ASIC2: variants seen among roughly 807,000 people sequenced by gnomAD.
ASIC2 encodes acid sensing ion channel subunit 2.
Under a neutral mutation model 57.3 loss-of-function variants are expected in ASIC2, and 25 were observed. That is an observed-to-expected ratio of 0.44 (90% CI 0.32 to 0.61). The LOEUF (loss-of-function observed/expected upper bound fraction) is 0.61. ASIC2 is among the 20% of genes least tolerant of loss of function. The probability of loss-of-function intolerance (pLI) is 0.06; values close to 1 mark genes in which losing one functional copy is unlikely to be tolerated. For synonymous variants in ASIC2, 319 were observed against 307.5 expected (o/e 1.04, Z -0.39); for missense variants, 641 against 738.1 (o/e 0.87, Z 1.52).
chr17:33,381,710 T>C (rs1386260894), intron 1 of ASIC2, among the ~76,000 whole-genome samples: 1 of 152,104 alleles, frequency 6.6e-6, no homozygotes, highest in East Asian at 1.9e-4. Flanking sequence ...GTGCTCAAAA[T>C]ATGGTAGCTA....
At chr17:33,098,921 CACACAAAATATATATAT>C (rs1388737416) in intron 2 of ASIC2, among the ~76,000 whole-genome samples, 1 of 150,098 alleles carries the variant, frequency 6.7e-6, no homozygotes, top group Non-Finnish European at 1.5e-5. Context: ...TATATACACA[CACACAAAATATATATAT>C]ACACAAAATA....
intron 1 of ASIC2, among the ~76,000 whole-genome samples, chr17:33,694,443 A>G (rs183569467): frequency 3.9e-5 from 6 of 152,216 alleles, no homozygotes; most frequent in African/African-American, 1.4e-4. Flanking sequence ...ACTTCTTGTG[A>G]TTTCCCACAA....
intron 1 of ASIC2, among the ~76,000 whole-genome samples, chr17:33,508,675 C>T (rs925008497): frequency 2.6e-5 from 4 of 152,166 alleles, no homozygotes; most frequent in African/African-American, 9.7e-5. Flanking sequence ...AATGATGTGG[C>T]AGGTAGGAGC....
chr17:33,938,539 T>C (rs1916117067), intron 1 of ASIC2, among the ~76,000 whole-genome samples: 1 of 152,210 alleles, frequency 6.6e-6, no homozygotes, highest in African/African-American at 2.4e-5. Context: ...AAACTTCCCT[T>C]GTATCATCTC....
intron 1 of ASIC2, among the ~76,000 whole-genome samples, chr17:33,603,558 A>T (rs1237130859): frequency 1.3e-5 from 2 of 152,184 alleles, no homozygotes; most frequent in Non-Finnish European, 2.9e-5. Context: ...AAATAAATGC[A>T]TGGAAAAGTG....
chr17:33,375,128 A>G (rs1479562793), intron 1 of ASIC2, among the ~76,000 whole-genome samples: 1 of 152,196 alleles, frequency 6.6e-6, no homozygotes, highest in East Asian at 1.9e-4. Flanking sequence ...AGAGGATGAT[A>G]AGTGTTACAT....
chr17:33,779,283 T>G (rs1444467607), intron 1 of ASIC2, among the ~76,000 whole-genome samples: 2 of 152,184 alleles, frequency 1.3e-5, no homozygotes, highest in Admixed American at 1.3e-4. Flanking sequence ...GTGCAGTTCT[T>G]CAGCTGCCCT....
At chr17:33,892,592 G>C (rs116544183) in intron 1 of ASIC2, among the ~76,000 whole-genome samples, 1 of 152,174 alleles carries the variant, frequency 6.6e-6, no homozygotes. Context: ...ACACTGAATT[G>C]TACCTGGCAA....
chr17:33,256,120 T>C (rs1045058055), intron 1 of ASIC2, among the ~76,000 whole-genome samples: 4 of 152,216 alleles, frequency 2.6e-5, no homozygotes, highest in South Asian at 2.1e-4. Context: ...GCTACAGATA[T>C]GCTGCATGTG....
chr17:33,530,386 A>G (rs1915014904), intron 1 of ASIC2, among the ~76,000 whole-genome samples: 1 of 152,250 alleles, frequency 6.6e-6, no homozygotes, highest in South Asian at 2.1e-4. Context: ...GGAAAAAGAA[A>G]AAGAGAGAGA....
chr17:33,981,333 C>A (rs545310644), intron 1 of ASIC2, among the ~76,000 whole-genome samples: 89 of 152,220 alleles, frequency 5.8e-4, no homozygotes, highest in Non-Finnish European at 9.7e-4. Flanking sequence ...GGGACCCAGT[C>A]TGTGACACAG....
chr17:33,278,293 C>G (rs1166017743), intron 1 of ASIC2, among the ~76,000 whole-genome samples: 1 of 151,912 alleles, frequency 6.6e-6, no homozygotes, highest in Non-Finnish European at 1.5e-5. Context: ...TCCTTTACCC[C>G]CCAACATACA....
rs1487255402 is a variant in ASIC2 at position 34,021,847 on chromosome 17, T to G, written c.555+134131A>C. ...TTTGTGTTTTGTTTTGTTTTTTTTT[T>G]TTTTTTTTGAGACAGAGTCTAGCTC... On this transcript the variant is annotated intron_variant, in intron 1 of 9. Coordinates refer to the ASIC2 transcript ENST00000359872. Among the ~76,000 whole-genome samples, 4 of 148,152 alleles carry G rather than the reference T, an allele frequency of 2.7e-5. No individual in the cohort carries two copies. In the East Asian group the frequency reaches 5.9e-4, roughly 22 times the overall value.
At chr17:33,632,389 C>T (rs750002427) in intron 1 of ASIC2, among the ~76,000 whole-genome samples, 3 of 152,080 alleles carry the variant, frequency 2.0e-5, no homozygotes, top group African/African-American at 2.4e-5. Context: ...TCAGATTAAA[C>T]GTGGAGCTGT....
intron 1 of ASIC2, among the ~76,000 whole-genome samples, chr17:33,430,768 A>G (rs1911384227): frequency 6.6e-6 from 1 of 152,326 alleles, no homozygotes; most frequent in South Asian, 2.1e-4. Flanking sequence ...AAAACAAACG[A>G]TTAAAAAACT....
At chr17:33,989,518 G>A (rs546315051) in intron 1 of ASIC2, among the ~76,000 whole-genome samples, 6 of 152,282 alleles carry the variant, frequency 3.9e-5, no homozygotes, top group African/African-American at 1.4e-4. Flanking sequence ...CAGGAGTGGA[G>A]AGAATATACT....
chr17:33,612,294 G>C lies in ASIC2; in HGVS notation c.556-500227C>G, dbSNP rs75095380. On this transcript the variant is annotated intron_variant, in intron 1 of 9. Transcript: ENST00000359872. ...CCCAATGAAGTTGACACAAAAAATTGGTCATCACAAAGGGCTGATACCTGT... is the reference window on the plus strand; with the variant it reads ...CCCAATGAAGTTGACACAAAAAATTCGTCATCACAAAGGGCTGATACCTGT... Among the ~76,000 whole-genome samples, 1,285 of 152,192 alleles carry C rather than the reference G, an allele frequency of 8.4e-3. 9 individuals carry two copies. Among genetic ancestry groups the C allele is most frequent in the Non-Finnish European group, 0.012 (796 of 68,006 alleles).
chr17:33,510,834 G>A lies in ASIC2; in HGVS notation c.556-398767C>T, dbSNP rs897182257. ...GCATCTGAGAGTGCAACCCCTGCAC[G>A]AGGCCTTGTGAACCCACATTCTCTG... is the stretch of plus-strand genomic sequence containing the variant. On this transcript the variant is annotated intron_variant, in intron 1 of 9. Coordinates refer to the ASIC2 transcript ENST00000359872. Among the ~76,000 whole-genome samples, 3 of 151,904 alleles carry A rather than the reference G, an allele frequency of 2.0e-5. No homozygotes were observed. The East Asian group carries it at 5.8e-4, about 29-fold the overall frequency.
At chr17:33,481,722 CA>C (rs1289986860) in intron 1 of ASIC2, among the ~76,000 whole-genome samples, 3 of 151,978 alleles carry the variant, frequency 2.0e-5, no homozygotes, top group Non-Finnish European at 4.4e-5. Flanking sequence ...AAAACAAAAC[CA>C]CAGTGAAAAC....
Sources: gnomAD v4.1 joint callset for allele counts (sites outside exome capture counted in the v4.1 genomes callset) on GRCh38, gnomAD v4.1.1 for gene constraint, MANE v1.5 for transcripts, NCBI Gene and HGNC (gene_info 2026-07-23, HGNC 2026-07-21) for gene names.